Variants in BANP observed in about 807,000 individuals in gnomAD.
BANP encodes the protein protein BANP.
BANP carries 11 observed loss-of-function variants against 68.1 expected under a neutral mutation model. The ratio of observed to expected loss-of-function variants is 0.16; its 90% CI spans 0.10 to 0.27. The LOEUF is 0.27. Ranked by LOEUF, BANP falls within the 10% of genes least tolerant of loss-of-function variation. The pLI is 1.00. For synonymous variants in BANP, 329 were observed against 303.2 expected (o/e 1.09, Z -0.88); for missense variants, 504 against 722.7 (o/e 0.70, Z 3.47).
At chr16:88,045,266 C>T (rs1307080814) in intron 11 of BANP, among the ~76,000 whole-genome samples, 1 of 152,216 alleles carries the variant, frequency 6.6e-6, no homozygotes, top group East Asian at 1.9e-4. Context: ...GGCTGGCCTT[C>T]TGTTGGTCAT....
At chr16:87,996,880 A>G (rs1176286531) in intron 4 of BANP, among the ~76,000 whole-genome samples, 1 of 152,222 alleles carries the variant, frequency 6.6e-6, no homozygotes, top group Admixed American at 6.5e-5. Context: ...ATTTCTCAAG[A>G]TTTTTAATTT....
At chr16:87,961,407 G>GCCCC (rs149889657) in intron 1 of BANP, among the ~76,000 whole-genome samples, 2,040 of 117,346 alleles carry the variant, frequency 0.017, 317 homozygotes, top group Middle Eastern at 0.028. Context: ...CACAGAATCT[G>GCCCC]CACCCCCCCG....
At chr16:88,056,445 G>A (rs1226228794) in intron 11 of BANP, among the ~76,000 whole-genome samples, 1 of 147,812 alleles carries the variant, frequency 6.8e-6, no homozygotes, top group Non-Finnish European at 1.5e-5. Context: ...GTTTGGCTGG[G>A]AAGCGTATTC....
At chr16:88,035,524 A>C (rs2079121602) in intron 10 of BANP, 130 bp downstream of exon 10, 2 of 809,236 alleles carry the variant, frequency 2.5e-6, no homozygotes, top group Admixed American at 2.6e-5. Flanking sequence ...GGGCTGCAGG[A>C]CTCCGCTTCC....
At chr16:87,954,272 CT>C (rs1262743802) in intron 1 of BANP, among the ~76,000 whole-genome samples, 1 of 152,122 alleles carries the variant, frequency 6.6e-6, no homozygotes, top group Non-Finnish European at 1.5e-5. Context: ...TGTCTTGTTT[CT>C]TTTTCATAGT....
intron 11 of BANP, among the ~76,000 whole-genome samples, chr16:88,041,841 A>C (rs890175961): frequency 2.0e-5 from 3 of 152,234 alleles, no homozygotes; most frequent in Non-Finnish European, 4.4e-5. Flanking sequence ...GTGAGCCTGC[A>C]CTAAGGAATG....
intron 11 of BANP, among the ~76,000 whole-genome samples, chr16:88,055,045 G>C (rs980593058): frequency 6.6e-6 from 1 of 152,012 alleles, no homozygotes; most frequent in African/African-American, 2.4e-5. Context: ...ATGCTGCTTA[G>C]ATCATGAATC....
intron 7 of BANP, among the ~76,000 whole-genome samples, chr16:88,024,401 AT>A (rs1209991490): frequency 6.6e-6 from 1 of 152,232 alleles, no homozygotes; most frequent in East Asian, 1.9e-4. Flanking sequence ...TTAAAAAAAA[AT>A]GTCTGTCAAA....
intron 4 of BANP, among the ~76,000 whole-genome samples, chr16:87,987,712 C>CAAAAAAA (rs66648819): frequency 0.013 from 388 of 30,362 alleles, 75 homozygotes; most frequent in Non-Finnish European, 0.018. Context: ...GACCCTAACT[C>CAAAAAAA]AAAAAAAAAA....
rs747628148 is a variant in BANP, at chr16:88,006,229, G to T, written c.619G>T (p.Gly207Trp). 1 of 1,612,110 alleles carries T rather than the reference G, an allele frequency of 6.2e-7. No homozygotes were observed. Reference sequence around the variant, plus strand: ...TGGGCAGGCGGGCAGTCAGAGCATCGGGAGCAACGTCACGCTCATCACCCT... The same window carrying T: ...TGGGCAGGCGGGCAGTCAGAGCATCTGGAGCAACGTCACGCTCATCACCCT... ...SCGQAGSQSI[G>W]SNVTLITLNS... The change falls in exon 6 of 14, where the codon GGG (glycine) becomes TGG (tryptophan). Residue 207 changes from glycine to tryptophan, a missense_variant. Gly to Trp is a radical substitution (Grantham distance 184). Around this residue, in one of 3 missense-constraint regions of BANP, gnomAD observed 238 missense variants for 278.9 expected, o/e 0.85. Transcript: ENST00000682872.
At chr16:88,072,547 C>T (rs1173063119) in intron 13 of BANP, among the ~76,000 whole-genome samples, 5 of 152,234 alleles carry the variant, frequency 3.3e-5, no homozygotes, top group Non-Finnish European at 7.3e-5. Flanking sequence ...CCCCTTTAGC[C>T]GGAGAGCTCC....
chr16:88,053,434 T>C (rs1433576047), intron 11 of BANP, among the ~76,000 whole-genome samples: 4 of 134,492 alleles, frequency 3.0e-5, no homozygotes, highest in African/African-American at 6.1e-5. Flanking sequence ...CACCACCACC[T>C]CTACCACTGT....
intron 1 of BANP, among the ~76,000 whole-genome samples, chr16:87,968,500 A>AAAAAAG (rs2060521516): frequency 6.7e-6 from 1 of 148,670 alleles, no homozygotes; most frequent in African/African-American, 2.5e-5. Flanking sequence ...AAAAAAAAAT[A>AAAAAAG]AGTTTAGTTT....
In BANP at chr16:88,057,757, G is replaced by T. The variant is rs58422800; in HGVS notation, c.1312-7510G>T. On this transcript the variant is annotated intron_variant, in intron 11 of 13. Coordinates refer to ENST00000682872, the MANE Select transcript of BANP (RefSeq NM_001386991.1). The surrounding 1 kb of genome is among the most constrained non-coding windows in gnomAD (Gnocchi z 4.6). ...TGGCGGGGCCATCTGGGTGGGGCGG[G>T]GGGGGGGGTGCGTGCAGTGACTCGC... 3.9e-5 allele frequency among the ~76,000 whole-genome samples: 1 copy of T among 25,470 alleles called. No individual in the cohort carries two copies. Among genetic ancestry groups the T allele is most frequent in the Non-Finnish European group, 2.3e-4 (1 of 4,366 alleles). 16.7% of individuals were successfully genotyped at this position (25,470 alleles called of 152,430 possible). A position where few individuals can be genotyped will look rare whatever the true frequency, so the allele number is the denominator to read the frequency against.
rs144472458 is a variant in BANP, at chr16:88,060,298, C to T, written c.1312-4969C>T. Among the ~76,000 whole-genome samples the T allele has an allele frequency of 2.7e-3, 418 of 152,384 alleles. 4 individuals are homozygous for T. The highest frequency in any genetic ancestry group is 9.0e-3 in the African/African-American group (374 of 41,602). On this transcript the variant is annotated intron_variant, in intron 11 of 13. Transcript: ENST00000682872. The stretch of plus-strand genomic sequence containing the variant: ...AGGGGTCTCTCTGGGTCTCCCCAGC[C>T]TGGCCTGGCCTGCTGGTCACTCCTC...
chr16:87,976,075 C>G (rs1272162785), intron 2 of BANP, among the ~76,000 whole-genome samples: 1 of 152,236 alleles, frequency 6.6e-6, no homozygotes. Flanking sequence ...GTGCCCCCTC[C>G]ACAGTTGACT....
intron 1 of BANP, among the ~76,000 whole-genome samples, chr16:87,968,889 A>C (rs1405542003): frequency 1.3e-5 from 2 of 152,194 alleles, no homozygotes; most frequent in Admixed American, 6.5e-5. Context: ...TTCTTTTTGA[A>C]AAAGTGATAA....
intron 10 of BANP, 76 bp downstream of exon 10, chr16:88,035,470 G>A: frequency 1.4e-6 from 2 of 1,381,390 alleles, no homozygotes; most frequent in South Asian, 1.3e-5. Flanking sequence ...CGGTGTCACA[G>A]TGCGAGGGCA....
intron 4 of BANP, among the ~76,000 whole-genome samples, chr16:87,985,493 C>CT (rs969278863): frequency 2.0e-5 from 3 of 150,974 alleles, no homozygotes; most frequent in Non-Finnish European, 3.0e-5. Flanking sequence ...GACCCAATGC[C>CT]TTTTTTTTTA....
Sources: allele counts gnomAD v4.1 joint callset (sites outside exome capture counted in the v4.1 genomes callset), GRCh38; gene constraint gnomAD v4.1.1; regional missense constraint gnomAD v4.1.1; non-coding constraint Gnocchi (gnomAD v3.1); transcripts MANE v1.5; gene names NCBI Gene and HGNC (gene_info 2026-07-23, HGNC 2026-07-21).